Variants in DLG2 observed in about 807,000 individuals in gnomAD.
The protein encoded by DLG2 is discs large MAGUK scaffold protein 2.
A neutral mutation model predicts 132.5 loss-of-function variants in DLG2; 45 were observed. The observed-to-expected ratio is 0.34, with a 90% confidence interval of 0.27 to 0.44. The LOEUF is 0.44. DLG2 is among the 20% of genes least tolerant of loss of function. DLG2 has a pLI of 1.00. For missense variants in DLG2, 1,045 were observed against 1,196.9 expected (o/e 0.87, Z 1.87); for synonymous variants, 424 against 419.6 (o/e 1.01, Z -0.13).
At chr11:84,004,937 T>A (rs1218103539) in intron 11 of DLG2, among the ~76,000 whole-genome samples, 1 of 75,048 alleles carries the variant, frequency 1.3e-5, no homozygotes, top group Non-Finnish European at 2.6e-5. Flanking sequence ...TTCTAAAATT[T>A]ATATAGAATC....
At chr11:85,243,331 C>T (rs183232969) in intron 4 of DLG2, among the ~76,000 whole-genome samples, 8 of 152,088 alleles carry the variant, frequency 5.3e-5, no homozygotes, top group Non-Finnish European at 8.8e-5. Context: ...AGACATTGAG[C>T]TTTTCGAATT....
intron 8 of DLG2, among the ~76,000 whole-genome samples, chr11:84,225,038 C>A (rs1295192819): frequency 1.3e-5 from 2 of 152,132 alleles, no homozygotes; most frequent in Admixed American, 6.6e-5. Flanking sequence ...ACTTCTTACT[C>A]CCTCTTCACA....
At chr11:85,230,841 A>G (rs1282777156) in intron 4 of DLG2, among the ~76,000 whole-genome samples, 3 of 152,004 alleles carry the variant, frequency 2.0e-5, no homozygotes, top group Middle Eastern at 3.4e-3. Flanking sequence ...GCACCCTTAT[A>G]AAAGGGTTTC....
At position 83,886,020 on chromosome 11, in the gene DLG2, C is replaced by A. The variant is rs375731970; in HGVS notation, c.1497-11532G>T. Among the ~76,000 whole-genome samples the A allele has an allele frequency of 6.6e-5, 10 of 152,296 alleles. No individual in the cohort carries two copies. In the East Asian group the frequency reaches 1.9e-3, roughly 29 times the overall value. Reference sequence around the variant, plus strand: ...TGCCAAATTGTAAAGATCATCGAGGCTAGGAAGAAACTGCATCAACTAACG... The same window carrying A: ...TGCCAAATTGTAAAGATCATCGAGGATAGGAAGAAACTGCATCAACTAACG... On this transcript the variant is annotated intron_variant, in intron 15 of 27. Coordinates refer to ENST00000376104, the MANE Select transcript of DLG2 (RefSeq NM_001142699.3).
intron 19 of DLG2, among the ~76,000 whole-genome samples, chr11:83,618,937 G>A (rs543398272): frequency 2.6e-5 from 4 of 151,982 alleles, no homozygotes; most frequent in Admixed American, 6.6e-5. Flanking sequence ...ATTTTCCTCT[G>A]TTTTTTTGCA....
intron 11 of DLG2, among the ~76,000 whole-genome samples, chr11:83,999,433 C>T (rs79835294): frequency 0.012 from 1,818 of 152,220 alleles, 35 homozygotes; most frequent in African/African-American, 0.041. Flanking sequence ...GAGGGTTGTC[C>T]TACCACTATC....
chr11:84,231,753 G>A (rs915726881), intron 8 of DLG2, among the ~76,000 whole-genome samples: 1 of 152,170 alleles, frequency 6.6e-6, no homozygotes, highest in Non-Finnish European at 1.5e-5. Flanking sequence ...ACCATAGGTA[G>A]TTTTCTGGAA....
chr11:85,105,467 A>C (rs942611667), intron 6 of DLG2, among the ~76,000 whole-genome samples: 1 of 151,964 alleles, frequency 6.6e-6, no homozygotes, highest in Non-Finnish European at 1.5e-5. Context: ...CCATGACTAC[A>C]GCAAAAATGA....
intron 3 of DLG2, among the ~76,000 whole-genome samples, chr11:85,479,196 T>G (rs1228227491): frequency 6.6e-6 from 1 of 152,238 alleles, no homozygotes; most frequent in African/African-American, 2.4e-5. Flanking sequence ...TCAAAGACTC[T>G]GACTTATGAA....
chr11:84,591,076 C>A (rs777277375), intron 6 of DLG2, among the ~76,000 whole-genome samples: 2 of 152,174 alleles, frequency 1.3e-5, no homozygotes, highest in Non-Finnish European at 1.5e-5. Context: ...TGTTATCTTT[C>A]ATCCTCTGCT....
chr11:85,023,741 A>G (rs1469777051), intron 6 of DLG2, among the ~76,000 whole-genome samples: 1 of 152,096 alleles, frequency 6.6e-6, no homozygotes, highest in Non-Finnish European at 1.5e-5. Context: ...TCTATATAAG[A>G]TATCATAGGA....
At chr11:84,782,438 CCACA>C (rs10599798) in intron 6 of DLG2, among the ~76,000 whole-genome samples, 2,701 of 147,914 alleles carry the variant, frequency 0.018, 78 homozygotes, top group African/African-American at 0.061. Flanking sequence ...ACTACCCCTA[CCACA>C]CACACACACA....
intron 5 of DLG2, among the ~76,000 whole-genome samples, chr11:85,118,093 C>T (rs767288358): frequency 3.3e-5 from 5 of 152,074 alleles, no homozygotes; most frequent in Non-Finnish European, 7.4e-5. Flanking sequence ...CATATGACTT[C>T]ATCCCTTCCT....
intron 7 of DLG2, among the ~76,000 whole-genome samples, chr11:84,424,793 T>C (rs2098961246): frequency 3.9e-5 from 6 of 152,100 alleles, no homozygotes; most frequent in Admixed American, 3.9e-4. Context: ...AAAGCACGTG[T>C]GTTTTATTCT....
At chr11:85,074,258 T>C (rs1179680436) in intron 6 of DLG2, among the ~76,000 whole-genome samples, 1 of 151,868 alleles carries the variant, frequency 6.6e-6, no homozygotes, top group Non-Finnish European at 1.5e-5. Flanking sequence ...TTTTTTAAGG[T>C]AGAATCTTGA....
intron 17 of DLG2, among the ~76,000 whole-genome samples, chr11:83,808,774 C>T (rs896742322): frequency 3.9e-5 from 6 of 152,262 alleles, no homozygotes; most frequent in Admixed American, 2.0e-4. Flanking sequence ...CACCGTACAC[C>T]ATACACTGCA....
At chr11:85,425,961 T>C (rs911825498) in intron 3 of DLG2, among the ~76,000 whole-genome samples, 2 of 152,068 alleles carry the variant, frequency 1.3e-5, no homozygotes, top group Admixed American at 6.5e-5. Flanking sequence ...TTTCCAACGG[T>C]CTTAGCAAAC....
At chr11:84,192,729 CAAAAAATA>C (rs533926188) in intron 8 of DLG2, among the ~76,000 whole-genome samples, 13 of 150,628 alleles carry the variant, frequency 8.6e-5, no homozygotes, top group South Asian at 6.3e-4. Context: ...GACTCCATCT[CAAAAAATA>C]AAAAAATAAA....
chr11:83,916,956 G>A (rs1193089970), intron 15 of DLG2, among the ~76,000 whole-genome samples: 1 of 152,090 alleles, frequency 6.6e-6, no homozygotes, highest in South Asian at 2.1e-4. Context: ...TTTTGCTGGA[G>A]TTATTTTCTC....
Sources: gnomAD v4.1 joint callset for allele counts (sites outside exome capture counted in the v4.1 genomes callset) on GRCh38, gnomAD v4.1.1 for gene constraint, MANE v1.5 for transcripts, NCBI Gene and HGNC (gene_info 2026-07-23, HGNC 2026-07-21) for gene names.